Variants in CEP57 observed in about 807,000 individuals in gnomAD.
The protein encoded by CEP57 is centrosomal protein 57.
CEP57 carries 40 observed loss-of-function variants against 68.0 expected under a neutral mutation model. That is an observed-to-expected ratio of 0.59 (90% CI 0.46 to 0.77). CEP57 has a LOEUF of 0.77. Ranked by LOEUF, CEP57 falls within the 30% of genes least tolerant of loss-of-function variation. CEP57 has a pLI of 0.00. For synonymous variants in CEP57, 219 were observed against 198.7 expected (o/e 1.10, Z -0.86); for missense variants, 606 against 580.7 (o/e 1.04, Z -0.45).
chr11:95,794,496 G>A, intron 1 of CEP57: 1 of 363,848 alleles, frequency 2.7e-6, no homozygotes, highest in South Asian at 2.1e-5. Flanking sequence ...TGTGTGAAAT[G>A]GTATCCTATT....
chr11:95,820,582 A>G (rs1190261149), intron 6 of CEP57, among the ~76,000 whole-genome samples: 1 of 150,802 alleles, frequency 6.6e-6, no homozygotes, highest in Non-Finnish European at 1.5e-5. Flanking sequence ...ACAAGAGCAA[A>G]AAAAAAAAAA....
At chr11:95,796,552 C>T (rs1447959538) in intron 1 of CEP57, among the ~76,000 whole-genome samples, 1 of 152,148 alleles carries the variant, frequency 6.6e-6, no homozygotes, top group Non-Finnish European at 1.5e-5. Context: ...TGTGCAGTTT[C>T]CTGTTTTGCG....
In CEP57 at chr11:95,822,584, G is replaced by T. The variant is rs550858215; in HGVS notation, c.885+8G>T. The T allele has an allele frequency of 3.7e-6, 6 of 1,609,752 alleles. No individual in the cohort carries two copies. In the South Asian group the frequency reaches 6.6e-5, roughly 18 times the overall value. ...CCATTTGTAGCTGGGAAGGTGAGTT[G>T]GTCAAACTCCGGATTCTTTTTATAC... On this transcript the variant is annotated splice_region_variant and intron_variant, in intron 8 of 10. Transcript: ENST00000325542.
chr11:95,813,367 T>G, intron 3 of CEP57, 101 bp from the exon 4 acceptor site: 1 of 1,393,408 alleles, frequency 7.2e-7, no homozygotes, highest in South Asian at 1.2e-5. Context: ...CTGTGGAAGG[T>G]GTTTTTATTG....
chr11:95,820,151 T>C (rs1862462043), intron 6 of CEP57, among the ~76,000 whole-genome samples: 1 of 152,186 alleles, frequency 6.6e-6, no homozygotes, highest in Non-Finnish European at 1.5e-5. Flanking sequence ...AAATTATTTA[T>C]GGTACTTCTA....
intron 2 of CEP57, among the ~76,000 whole-genome samples, chr11:95,803,844 A>G (rs1453395448): frequency 6.6e-6 from 1 of 152,176 alleles, no homozygotes; most frequent in Non-Finnish European, 1.5e-5. Context: ...CAAGAAGACA[A>G]GCAAGCATTA....
rs537685753 is a variant in CEP57 at position 95,814,324 on chromosome 11, C to T, written c.504+735C>T. Reference sequence around the variant, plus strand: ...TCGGCCTCCCAAAGTTCTGGGATTACGGGCATGAGCCACTGTCCCTGGCCT... The same window carrying T: ...TCGGCCTCCCAAAGTTCTGGGATTATGGGCATGAGCCACTGTCCCTGGCCT... On this transcript the variant is annotated intron_variant, in intron 4 of 10. Coordinates refer to ENST00000325542, the MANE Select transcript of CEP57 (RefSeq NM_014679.5). Among the ~76,000 whole-genome samples, 7 of 151,538 alleles carry T rather than the reference C, an allele frequency of 4.6e-5. No homozygotes were observed. The East Asian group carries it at 5.8e-4, about 13-fold the overall frequency.
chr11:95,829,087 T>A, intron 9 of CEP57, 100 bp from the exon 10 acceptor site: 1 of 1,302,108 alleles, frequency 7.7e-7, no homozygotes. Flanking sequence ...AATGGAGTCA[T>A]TTTTTAAACA....
intron 8 of CEP57, chr11:95,827,473 C>A: frequency 3.1e-6 from 1 of 321,838 alleles, no homozygotes. Context: ...GCTAATACAC[C>A]AAAAAAATGT....
At chr11:95,814,725 T>C (rs993393056) in intron 4 of CEP57, among the ~76,000 whole-genome samples, 1 of 152,170 alleles carries the variant, frequency 6.6e-6, no homozygotes, top group Admixed American at 6.5e-5. Flanking sequence ...TTGCATTCAT[T>C]AGTTTTGTAG....
At chr11:95,823,039 C>T in intron 8 of CEP57, 1 of 196,602 alleles carries the variant, frequency 5.1e-6, no homozygotes, top group East Asian at 1.2e-4. Flanking sequence ...TCTTCAGTTT[C>T]TTCAGCACTT....
chr11:95,809,936 A>G (rs1055757985), intron 2 of CEP57, among the ~76,000 whole-genome samples: 5 of 152,218 alleles, frequency 3.3e-5, no homozygotes, highest in African/African-American at 4.8e-5. Context: ...ATGATCATTG[A>G]TGCAAAAATC....
intron 8 of CEP57, among the ~76,000 whole-genome samples, chr11:95,825,208 A>C (rs1260245394): frequency 1.3e-5 from 2 of 152,242 alleles, no homozygotes; most frequent in African/African-American, 4.8e-5. Flanking sequence ...AGGGTCTGGA[A>C]GGATTACAGT....
chr11:95,809,680 G>T (rs935573363), intron 2 of CEP57, among the ~76,000 whole-genome samples: 1 of 151,996 alleles, frequency 6.6e-6, no homozygotes, highest in Admixed American at 6.6e-5. Context: ...TAGACCAATA[G>T]CAGGCTCTGA....
Position 95,831,284 on chromosome 11 carries a change from A to G in CEP57, c.*28A>G. ...CATAACCAGGTCAGAAATTTTATTC[A>G]GATAATCTGTACCTCATCAATCAGA... On this transcript the variant is annotated 3_prime_UTR_variant, in exon 11 of 11. Transcript: ENST00000325542. 1 of 1,471,646 alleles carries G rather than the reference A, an allele frequency of 6.8e-7. No homozygotes were observed. Among genetic ancestry groups the G allele is most frequent in the Non-Finnish European group, 9.5e-7 (1 of 1,052,684 alleles). The allele number at this position is 1,471,646 out of a possible 1,614,324, so 91.2% of individuals were successfully genotyped here. A position where few individuals can be genotyped will look rare whatever the true frequency, so the allele number is the denominator to read the frequency against.
At chr11:95,822,162 A>G in intron 7 of CEP57, 184 bp downstream of exon 7, 1 of 614,262 alleles carries the variant, frequency 1.6e-6, no homozygotes. Context: ...TAGTGAGAAA[A>G]TATATAAGCA....
chr11:95,818,021 T>C, intron 5 of CEP57, 118 bp downstream of exon 5: 2 of 709,076 alleles, frequency 2.8e-6, no homozygotes, highest in East Asian at 2.7e-5. Flanking sequence ...TGAAGAAATA[T>C]ATTGGAGTTT....
intron 2 of CEP57, among the ~76,000 whole-genome samples, chr11:95,807,397 C>T (rs1217452143): frequency 4.6e-5 from 7 of 152,116 alleles, no homozygotes; most frequent in East Asian, 1.9e-4. Flanking sequence ...AGGCTTCAAA[C>T]GATCGGTGAT....
chr11:95,827,815 C>G lies in CEP57; in HGVS notation c.915C>G (p.Ala305=), dbSNP rs377430661. 14 of 1,613,910 alleles carry G rather than the reference C, an allele frequency of 8.7e-6. No individual in the cohort carries two copies. The African/African-American group carries it at 1.9e-4, about 22-fold the overall frequency. The change falls in exon 9 of 11, where the codon GCC becomes GCG. Residue 305 remains alanine (A), a synonymous_variant. Transcript: ENST00000325542. The stretch of plus-strand genomic sequence containing the variant: ...CAAGCCCTAGCCATGCCGTGGTAGC[C>G]AATGTTCAGCTTGTCTTGCATCTAA... The part of the protein sequence containing the change: ...KSTSPSHAVV[A]NVQLVLHLMK...
Sources: allele counts gnomAD v4.1 joint callset (sites outside exome capture counted in the v4.1 genomes callset), GRCh38; gene constraint gnomAD v4.1.1; transcripts MANE v1.5; gene names NCBI Gene and HGNC (gene_info 2026-07-23, HGNC 2026-07-21).